Variants in DPYD observed in about 807,000 individuals in gnomAD.
DPYD encodes dihydropyrimidine dehydrogenase, also known as dihydropyrimidine dehydrogenase [NADP(+)].
In DPYD, 109 loss-of-function variants were observed where a neutral mutation model predicts 116.2. That is an observed-to-expected ratio of 0.94 (90% CI 0.80 to 1.10). DPYD has a LOEUF of 1.10. Ranked by LOEUF, DPYD falls within the 50% of genes least tolerant of loss-of-function variation. The pLI, the probability that DPYD is intolerant of heterozygous loss-of-function variation, is 0.00. For missense variants in DPYD, 1,302 were observed against 1,254.5 expected, an observed-to-expected ratio of 1.04 and a Z score of -0.57; for synonymous variants, 440 against 432.0, an observed-to-expected ratio of 1.02 and a Z score of -0.23.
intron 3 of DPYD, among the ~76,000 whole-genome samples, chr1:97,814,588 C>T (rs1348509044): frequency 6.6e-6 from 1 of 151,936 alleles, no homozygotes; most frequent in Non-Finnish European, 1.5e-5. Context: ...ATTTTTTCCA[C>T]GAATTCCAGA....
chr1:97,326,253 A>C (rs1027309487), intron 16 of DPYD, among the ~76,000 whole-genome samples: 32 of 152,090 alleles, frequency 2.1e-4, no homozygotes, highest in African/African-American at 7.7e-4. Flanking sequence ...AGGAAACACA[A>C]GAGAAGCAGG....
At chr1:97,721,415 T>G in intron 5 of DPYD, 95 bp downstream of exon 5, 1 of 1,449,530 alleles carries the variant, frequency 6.9e-7, no homozygotes, top group Non-Finnish European at 9.6e-7. Context: ...ACTAAAAATG[T>G]TGGGTATCAA....
chr1:97,176,538 C>T (rs1336043419), intron 20 of DPYD, among the ~76,000 whole-genome samples: 2 of 152,164 alleles, frequency 1.3e-5, no homozygotes, highest in Non-Finnish European at 2.9e-5. Context: ...CCCACTGCTG[C>T]TATTACATTA....
chr1:97,430,156 A>T (rs532453482), intron 14 of DPYD, among the ~76,000 whole-genome samples: 1 of 152,264 alleles, frequency 6.6e-6, no homozygotes, highest in East Asian at 1.9e-4. Flanking sequence ...TCCTACTATC[A>T]TTAAGACTGT....
intron 3 of DPYD, among the ~76,000 whole-genome samples, chr1:97,769,951 TAGA>T (rs889046763): frequency 6.6e-6 from 1 of 152,184 alleles, no homozygotes; most frequent in African/African-American, 2.4e-5. Flanking sequence ...GACTGATTTA[TAGA>T]AGAAGAGATC....
intron 16 of DPYD, among the ~76,000 whole-genome samples, chr1:97,324,902 G>T (rs950804095): frequency 6.6e-6 from 1 of 151,988 alleles, no homozygotes; most frequent in African/African-American, 2.4e-5. Context: ...ATATCTTGAG[G>T]CACTGAAGTT....
intron 1 of DPYD, among the ~76,000 whole-genome samples, chr1:97,916,838 A>C (rs1674240158): frequency 6.6e-6 from 1 of 152,122 alleles, no homozygotes; most frequent in South Asian, 2.1e-4. Flanking sequence ...TGAGACCCCC[A>C]TCTCTATTTT....
chr1:97,451,083 C>A (rs1273947875), intron 13 of DPYD, among the ~76,000 whole-genome samples: 1 of 152,020 alleles, frequency 6.6e-6, no homozygotes, highest in Non-Finnish European at 1.5e-5. Context: ...CCCTCCTCAC[C>A]ATCTTGTCAC....
chr1:97,780,542 C>T (rs771164072), intron 3 of DPYD, among the ~76,000 whole-genome samples: 31 of 152,170 alleles, frequency 2.0e-4, no homozygotes, highest in Non-Finnish European at 2.9e-4. Context: ...GCTAGTGCCA[C>T]GTTTAACTCC....
intron 8 of DPYD, among the ~76,000 whole-genome samples, chr1:97,604,896 T>C (rs924505408): frequency 1.3e-5 from 2 of 152,094 alleles, no homozygotes; most frequent in Non-Finnish European, 2.9e-5. Context: ...CAAGACTATA[T>C]TAAAACAGAG....
At chr1:97,110,699 C>T (rs1651527194) in intron 20 of DPYD, among the ~76,000 whole-genome samples, 1 of 152,042 alleles carries the variant, frequency 6.6e-6, no homozygotes, top group Non-Finnish European at 1.5e-5. Context: ...CCTATTCACT[C>T]CTCAACATAT....
intron 3 of DPYD, 49 bp from the exon 4 acceptor site, chr1:97,740,528 A>G (rs769020537): frequency 6.0e-6 from 9 of 1,493,910 alleles, no homozygotes; most frequent in Non-Finnish European, 8.4e-6. Context: ...AAGTGAGATA[A>G]TCTATTTTCT....
chr1:97,801,524 A>T (rs1182808294), intron 3 of DPYD, among the ~76,000 whole-genome samples: 4 of 151,934 alleles, frequency 2.6e-5, no homozygotes, highest in Non-Finnish European at 4.4e-5. Context: ...GATAGTTGTA[A>T]GTTCTCAGAA....
chr1:97,567,455 C>T (rs1279374364), intron 11 of DPYD, among the ~76,000 whole-genome samples: 1 of 151,948 alleles, frequency 6.6e-6, no homozygotes, highest in African/African-American at 2.4e-5. Context: ...TCTCTAGTTC[C>T]CAGTGAGTGA....
intron 7 of DPYD, among the ~76,000 whole-genome samples, chr1:97,687,828 A>G (rs1660814314): frequency 6.6e-6 from 1 of 152,232 alleles, no homozygotes; most frequent in South Asian, 2.1e-4. Context: ...CTTTGCAGGG[A>G]CATGGACAGA....
intron 8 of DPYD, among the ~76,000 whole-genome samples, chr1:97,654,919 A>G (rs566050366): frequency 6.6e-6 from 1 of 152,248 alleles, no homozygotes; most frequent in South Asian, 2.1e-4. Context: ...GTGGCAAGAG[A>G]GAATGAGAAC....
At chr1:97,574,856 CAGG>C (rs1653160482) in intron 10 of DPYD, among the ~76,000 whole-genome samples, 1 of 152,000 alleles carries the variant, frequency 6.6e-6, no homozygotes, top group Admixed American at 6.6e-5. Context: ...CTCTGAAAGC[CAGG>C]TAGATTCTCA....
At chr1:97,455,824 G>A (rs531542838) in intron 13 of DPYD, among the ~76,000 whole-genome samples, 1 of 151,980 alleles carries the variant, frequency 6.6e-6, no homozygotes, top group African/African-American at 2.4e-5. Flanking sequence ...AAGTGGGCAA[G>A]ATAAGTATTT....
intron 18 of DPYD, among the ~76,000 whole-genome samples, chr1:97,290,695 T>C (rs1346923215): frequency 1.3e-5 from 2 of 151,982 alleles, no homozygotes; most frequent in African/African-American, 4.8e-5. Flanking sequence ...TCAAGATAGA[T>C]TAAAGACTTA....
Sources: allele counts gnomAD v4.1 joint callset (sites outside exome capture counted in the v4.1 genomes callset), GRCh38; gene constraint gnomAD v4.1.1; transcripts MANE v1.5; gene names NCBI Gene and HGNC (gene_info 2026-07-23, HGNC 2026-07-21).